The following NRDC variants were observed in gnomAD, a reference collection of about 807,000 sequenced individuals.
The protein encoded by NRDC is nardilysin.
In NRDC, 54 loss-of-function variants were observed where a neutral mutation model predicts 147.1. The ratio of observed to expected loss-of-function variants is 0.37; its 90% confidence interval spans 0.29 to 0.46. The LOEUF is 0.46. Ranked by LOEUF, NRDC falls within the 20% of genes least tolerant of loss-of-function variation. The probability of loss-of-function intolerance (pLI) is 1.00; values close to 1 mark genes in which losing one functional copy is unlikely to be tolerated. For missense variants in NRDC, 1,082 were observed against 1,370.6 expected (o/e 0.79, Z 3.33); for synonymous variants, 440 against 482.1 (o/e 0.91, Z 1.14).
chr1:51,875,719 G>A lies in NRDC; in HGVS notation c.341+2556C>T, dbSNP rs143095225. On this transcript the variant is annotated intron_variant, in intron 1 of 30. Transcript: ENST00000352171. The stretch of plus-strand genomic sequence containing the variant: ...ACTACAGGCACACACCACCACACCC[G>A]GCTAATTTTTTGTGTGTAGAGACAG... 9.1e-3 allele frequency among the ~76,000 whole-genome samples: 1,365 copies of A among 150,316 alleles called. 34 individuals are homozygous for A. In the South Asian group the frequency reaches 0.097, roughly 11 times the overall value.
chr1:51,870,721 G>A (rs533861358), intron 1 of NRDC, among the ~76,000 whole-genome samples: 18 of 152,084 alleles, frequency 1.2e-4, no homozygotes, highest in South Asian at 6.2e-4. Context: ...ATGTTCTTAA[G>A]ATTAATCCTG....
At chr1:51,834,609 C>T (rs959906904) in intron 3 of NRDC, among the ~76,000 whole-genome samples, 1 of 152,150 alleles carries the variant, frequency 6.6e-6, no homozygotes, top group South Asian at 2.1e-4. Flanking sequence ...AGCCACCACA[C>T]CTGACCCTAA....
chr1:51,798,387 T>C lies in NRDC; in HGVS notation c.2466A>G (p.Glu822=), dbSNP rs1487750569. ...TGTCAATCATAGACCAACGGGCATA[T>C]TCCAAGATTAAAAGCCGTACATCTC... is the stretch of plus-strand genomic sequence containing the variant. ...LAKDVRLLIL[E]YARWSMIDKY... The change falls in exon 22 of 31, where the codon GAA becomes GAG. Residue 822 remains glutamate (E), a synonymous_variant. Transcript: ENST00000352171. The C allele has an allele frequency of 1.2e-6, 2 of 1,614,058 alleles. No homozygotes were observed. Among genetic ancestry groups the C allele is most frequent in the Non-Finnish European group, 1.7e-6 (2 of 1,179,976 alleles).
intron 9 of NRDC, 37 bp from the exon 10 acceptor site, chr1:51,818,172 T>A: frequency 7.4e-7 from 1 of 1,351,922 alleles, no homozygotes; most frequent in Non-Finnish European, 1.0e-6. Flanking sequence ...CAGATGTAAG[T>A]GTTTCTCTAT....
intron 1 of NRDC, among the ~76,000 whole-genome samples, chr1:51,843,520 C>CT (rs1327765187): frequency 6.6e-6 from 1 of 152,146 alleles, no homozygotes; most frequent in East Asian, 1.9e-4. Context: ...TGTCTTGACA[C>CT]TTTGCTAAAC....
intron 11 of NRDC, among the ~76,000 whole-genome samples, 175 bp from the exon 12 acceptor site, chr1:51,814,988 C>G (rs1407426447): frequency 6.6e-6 from 1 of 152,088 alleles, no homozygotes; most frequent in East Asian, 1.9e-4. Flanking sequence ...AAGCACAAAG[C>G]CTCCCAAGGA....
chr1:51,803,681 A>T (rs1679320209), intron 20 of NRDC, 133 bp downstream of exon 20: 2 of 654,160 alleles, frequency 3.1e-6, no homozygotes, highest in Non-Finnish European at 4.9e-6. Flanking sequence ...AATAGCTGTC[A>T]TCAGCCAAGA....
chr1:51,830,125 C>T (rs979327341), intron 4 of NRDC, among the ~76,000 whole-genome samples: 8 of 151,786 alleles, frequency 5.3e-5, no homozygotes, highest in Non-Finnish European at 1.2e-4. Context: ...CCACCGGACC[C>T]GGCTAATTTT....
chr1:51,794,818 C>G lies in NRDC; in HGVS notation c.2636+5G>C. On this transcript the variant is annotated splice_donor_5th_base_variant and intron_variant, in intron 23 of 30. Coordinates refer to ENST00000352171, the MANE Select transcript of NRDC (RefSeq NM_001101662.2). ...TAACCCCAAAGAGAAAATTCAAATA[C>G]TTACTCAACAACATATTTCAGGAAA... 1.2e-6 allele frequency: 2 copies of G among 1,613,956 alleles called. No homozygotes were observed. The highest frequency in any genetic ancestry group is 1.7e-6 in the Non-Finnish European group (2 of 1,179,928).
Position 51,814,656 on chromosome 1 carries a change from C to T in NRDC, c.1560+37G>A, listed in dbSNP as rs543072705. 87 of 1,604,636 alleles carry T rather than the reference C, an allele frequency of 5.4e-5. 1 individual carries two copies. The South Asian group carries it at 8.3e-4, about 15-fold the overall frequency. On this transcript the variant is annotated intron_variant, in intron 12 of 30. Coordinates refer to ENST00000352171, the MANE Select transcript of NRDC (RefSeq NM_001101662.2). ...AGTCTTTTGCATAAAGTGATATCTACGTAAAAGGAAAAAACAACTGAATTT... is the reference window on the plus strand; with the variant it reads ...AGTCTTTTGCATAAAGTGATATCTATGTAAAAGGAAAAAACAACTGAATTT...
chr1:51,836,207 T>C lies in NRDC; in HGVS notation c.636A>G (p.Ala212=), dbSNP rs549370385. 3 of 1,614,146 alleles carry C rather than the reference T, an allele frequency of 1.9e-6. No individual in the cohort carries two copies. Among genetic ancestry groups the C allele is most frequent in the South Asian group, 1.1e-5 (1 of 91,088 alleles). Residue 212 remains alanine, a synonymous_variant, in exon 3 of 31, where the codon GCA becomes GCG. Coordinates refer to ENST00000352171, the MANE Select transcript of NRDC (RefSeq NM_001101662.2). Reference sequence around the variant, plus strand: ...TCCCAACTCCAACACAAAGAGCCGCTGCAGACTGGAGTAATTAGAACACAT... The same window carrying C: ...TCCCAACTCCAACACAAAGAGCCGCCGCAGACTGGAGTAATTAGAACACAT... ...ARKKTTEKQS[A]AALCVGVGSF... is the part of the protein sequence containing the mutation.
chr1:51,862,733 A>C (rs959451738), intron 1 of NRDC, among the ~76,000 whole-genome samples: 1 of 150,908 alleles, frequency 6.6e-6, no homozygotes, highest in Non-Finnish European at 1.5e-5. Context: ...CTTAAAAAAA[A>C]GGCCAGGAGC....
intron 2 of NRDC, among the ~76,000 whole-genome samples, chr1:51,839,505 C>T (rs1268976513): frequency 1.3e-5 from 2 of 152,132 alleles, no homozygotes; most frequent in African/African-American, 2.4e-5. Context: ...GTCAATTCCA[C>T]TGTACTGGCT....
chr1:51,820,224 T>TC (rs1354024078), intron 8 of NRDC, among the ~76,000 whole-genome samples: 1 of 152,196 alleles, frequency 6.6e-6, no homozygotes, highest in Non-Finnish European at 1.5e-5. Context: ...GATAATACTT[T>TC]TTTAAAATCA....
At chr1:51,813,066 G>C (rs1679803640) in intron 14 of NRDC, among the ~76,000 whole-genome samples, 1 of 151,714 alleles carries the variant, frequency 6.6e-6, no homozygotes, top group South Asian at 2.1e-4. Context: ...GATAACTTGA[G>C]CCCAGTTTGA....
intron 1 of NRDC, among the ~76,000 whole-genome samples, chr1:51,865,533 C>T (rs1359545728): frequency 6.6e-6 from 1 of 151,924 alleles, no homozygotes; most frequent in Non-Finnish European, 1.5e-5. Context: ...GCACTCCTGA[C>T]CTCAGGTGAT....
intron 1 of NRDC, among the ~76,000 whole-genome samples, chr1:51,852,213 G>A (rs945457038): frequency 1.3e-5 from 2 of 151,938 alleles, no homozygotes; most frequent in East Asian, 1.9e-4. Flanking sequence ...CACCTCTTTC[G>A]AGACCTCATG....
chr1:51,848,494 A>G (rs1308172217), intron 1 of NRDC, among the ~76,000 whole-genome samples: 1 of 152,120 alleles, frequency 6.6e-6, no homozygotes, highest in Non-Finnish European at 1.5e-5. Context: ...AAATAATAAT[A>G]ATAATAATAA....
intron 4 of NRDC, among the ~76,000 whole-genome samples, chr1:51,828,320 G>A (rs1349024915): frequency 1.3e-5 from 2 of 151,980 alleles, no homozygotes; most frequent in East Asian, 1.9e-4. Flanking sequence ...GAGCCTTTTC[G>A]GAAATGTTCT....
Sources: allele counts gnomAD v4.1 joint callset (sites outside exome capture counted in the v4.1 genomes callset), GRCh38; gene constraint gnomAD v4.1.1; transcripts MANE v1.5; gene names NCBI Gene and HGNC (gene_info 2026-07-23, HGNC 2026-07-21).